PCLO: variants seen among roughly 807,000 people sequenced by gnomAD.
The protein encoded by PCLO is piccolo presynaptic cytomatrix protein.
A neutral mutation model predicts 427.5 loss-of-function variants in PCLO; 82 were observed. That is an observed-to-expected ratio of 0.19 (90% CI 0.16 to 0.23). PCLO has a LOEUF of 0.23. Among genes scored for constraint, PCLO ranks in the 10% least tolerant of loss-of-function variants. The pLI, the probability that PCLO is intolerant of heterozygous loss-of-function variation, is 1.00. For missense variants in PCLO, 6,239 were observed against 6,115.9 expected, an observed-to-expected ratio of 1.02 and a Z score of -0.67; for synonymous variants, 2,357 against 2,155.4, an observed-to-expected ratio of 1.09 and a Z score of -2.59.
chr7:82,838,771 G>A (rs141576413), intron 14 of PCLO, among the ~76,000 whole-genome samples: 1 of 151,972 alleles, frequency 6.6e-6, no homozygotes, highest in African/African-American at 2.4e-5. Context: ...AATTAGCAGT[G>A]GGGTGGAACT....
intron 3 of PCLO, among the ~76,000 whole-genome samples, chr7:83,098,471 T>A (rs371695475): frequency 6.6e-6 from 1 of 152,186 alleles, no homozygotes; most frequent in South Asian, 2.1e-4. Context: ...ACAGTCTCGA[T>A]AACATGACAA....
rs1312689077 is a variant in PCLO, at chr7:82,951,013, G to A, written c.9575C>T (p.Pro3192Leu). Residue 3192 changes from proline to leucine, a missense_variant, in exon 6 of 25, where the codon CCT becomes CTT. Pro to Leu is a moderately conservative substitution (Grantham distance 98). Transcript: ENST00000333891. ...AGCACTTTCATCTCCCACCACTTCA[G>A]GAAACACTTCGGATGCTGTGGTTAA... ...PTLTTASEVF[P>L]EVVGDESALL... The A allele has an allele frequency of 3.7e-6, 6 of 1,613,784 alleles. No homozygotes were observed. The highest frequency in any genetic ancestry group is 5.1e-6 in the Non-Finnish European group (6 of 1,179,802).
intron 3 of PCLO, among the ~76,000 whole-genome samples, chr7:83,103,628 TAATA>T (rs1270768067): frequency 6.6e-6 from 1 of 151,978 alleles, no homozygotes; most frequent in Non-Finnish European, 1.5e-5. Context: ...TGCCAAACCA[TAATA>T]AATACTTCAT....
intron 22 of PCLO, among the ~76,000 whole-genome samples, chr7:82,767,823 G>A (rs1287227746): frequency 2.0e-5 from 3 of 151,894 alleles, no homozygotes; most frequent in Non-Finnish European, 2.9e-5. Context: ...TATACTTCAA[G>A]AATATAGGAA....
At chr7:82,880,521 G>A (rs1793481065) in intron 9 of PCLO, 2 of 232,536 alleles carry the variant, frequency 8.6e-6, no homozygotes, top group Admixed American at 9.0e-5. Flanking sequence ...TGGAATTACA[G>A]GCTTGAACTC....
intron 1 of PCLO, among the ~76,000 whole-genome samples, chr7:83,161,713 T>C (rs944632447): frequency 2.0e-5 from 3 of 152,220 alleles, no homozygotes; most frequent in Non-Finnish European, 4.4e-5. Context: ...CATATGCTAA[T>C]TTAGAAATAT....
At chr7:83,120,093 C>T (rs148912553) in intron 3 of PCLO, among the ~76,000 whole-genome samples, 5 of 151,892 alleles carry the variant, frequency 3.3e-5, no homozygotes, top group South Asian at 2.1e-4. Flanking sequence ...AGATAAGAGA[C>T]GATCAGAATA....
rs143631707 is a variant in PCLO at position 82,771,740 on chromosome 7, C to T, written c.15008-10247G>A. Among the ~76,000 whole-genome samples the T allele has an allele frequency of 6.3e-3, 960 of 152,016 alleles. 15 individuals carry two copies. Among genetic ancestry groups the T allele is most frequent in the African/African-American group, 0.022 (927 of 41,494 alleles). The stretch of plus-strand genomic sequence containing the variant: ...TGTGATAATAATTTTGGGCCAAATT[C>T]ATGTGTGTACTCCTAGGCGTGTATA... On this transcript the variant is annotated intron_variant, in intron 22 of 24. Transcript: ENST00000333891.
chr7:82,869,045 A>T (rs79946020), intron 10 of PCLO, among the ~76,000 whole-genome samples: 6,256 of 152,200 alleles, frequency 0.041, 416 homozygotes, highest in African/African-American at 0.14. Context: ...TTATGTTATA[A>T]CACAGACAAC....
intron 6 of PCLO, among the ~76,000 whole-genome samples, chr7:82,924,791 T>C (rs1794675567): frequency 6.6e-6 from 1 of 151,888 alleles, no homozygotes; most frequent in African/African-American, 2.4e-5. Flanking sequence ...ACTCCTACTA[T>C]CTTAAAAATA....
At chr7:82,818,138 G>C (rs1479554103) in intron 20 of PCLO, among the ~76,000 whole-genome samples, 1 of 152,138 alleles carries the variant, frequency 6.6e-6, no homozygotes, top group Non-Finnish European at 1.5e-5. Flanking sequence ...TAACTACGGA[G>C]AGTTGTTTAG....
At chr7:82,847,703 T>C (rs973749034) in intron 10 of PCLO, among the ~76,000 whole-genome samples, 2 of 152,192 alleles carry the variant, frequency 1.3e-5, no homozygotes, top group South Asian at 4.1e-4. Context: ...ATTTCTCCAT[T>C]TCAGAAACTG....
intron 3 of PCLO, among the ~76,000 whole-genome samples, chr7:83,022,501 T>C (rs1241895866): frequency 1.3e-5 from 2 of 152,282 alleles, no homozygotes; most frequent in East Asian, 1.9e-4. Context: ...CTAGGAGTCT[T>C]CCCTTGAAGA....
rs934364080 is a variant in PCLO, at chr7:83,162,315, G to A, written c.248+30C>T. ...TGTGCACGGGAAGCTGTACATATAT[G>A]CCCGGACATATACATCATGCTGTGC... On this transcript the variant is annotated intron_variant, in intron 1 of 24. Transcript: ENST00000333891. The A allele has an allele frequency of 1.0e-5, 16 of 1,572,600 alleles. No individual in the cohort carries two copies. In the Middle Eastern group the frequency reaches 5.0e-4, roughly 49 times the overall value.
At chr7:82,970,088 A>C (rs932608872) in intron 3 of PCLO, among the ~76,000 whole-genome samples, 2 of 152,190 alleles carry the variant, frequency 1.3e-5, no homozygotes, top group Admixed American at 6.5e-5. Flanking sequence ...TTAAGAGATG[A>C]GGCACAGCAA....
At chr7:83,069,800 CA>C (rs1789764217) in intron 3 of PCLO, among the ~76,000 whole-genome samples, 1 of 6,514 alleles carries the variant, frequency 1.5e-4, no homozygotes, top group African/African-American at 1.7e-3. Flanking sequence ...CCCCCCCGCC[CA>C]CACACACACA....
chr7:82,769,047 T>C (rs1479958715), intron 22 of PCLO, among the ~76,000 whole-genome samples: 3 of 152,168 alleles, frequency 2.0e-5, no homozygotes, highest in Non-Finnish European at 4.4e-5. Flanking sequence ...TTAATCTAGA[T>C]CTTCTAATTT....
rs753078428 is a variant in PCLO, at chr7:82,953,453, G to A, written c.7500C>T (p.Thr2500=). The A allele has an allele frequency of 1.2e-6, 2 of 1,613,232 alleles. No individual in the cohort carries two copies. The highest frequency in any genetic ancestry group is 1.1e-5 in the South Asian group (1 of 91,046). The change falls in exon 5 of 25, where the codon ACC becomes ACT. Residue 2500 remains threonine (T), a synonymous_variant. Transcript: ENST00000333891. The part of the protein sequence containing the change: ...PSSIPSGLVF[T]HRPEPSKPPI... Reference sequence around the variant, plus strand: ...GAGGTTTGCTTGGCTCAGGCCTGTGGGTAAATACAAGTCCAGATGGAATTG... The same window carrying A: ...GAGGTTTGCTTGGCTCAGGCCTGTGAGTAAATACAAGTCCAGATGGAATTG...
intron 3 of PCLO, among the ~76,000 whole-genome samples, chr7:83,102,043 G>C (rs1441958582): frequency 6.6e-6 from 1 of 151,998 alleles, no homozygotes; most frequent in Non-Finnish European, 1.5e-5. Flanking sequence ...TTTTGTTAGA[G>C]TTGAAAAATT....
Sources: gnomAD v4.1 joint callset for allele counts (sites outside exome capture counted in the v4.1 genomes callset) on GRCh38, gnomAD v4.1.1 for gene constraint, MANE v1.5 for transcripts, NCBI Gene and HGNC (gene_info 2026-07-23, HGNC 2026-07-21) for gene names.